LAMA1: variants seen among roughly 807,000 people sequenced by gnomAD.
The protein encoded by LAMA1 is laminin subunit alpha-1.
A neutral mutation model predicts 348.7 loss-of-function variants in LAMA1; 219 were observed. The observed-to-expected ratio is 0.63, with a 90% confidence interval of 0.56 to 0.70. LAMA1 has a LOEUF of 0.70. Ranked by LOEUF, LAMA1 falls within the 30% of genes least tolerant of loss-of-function variation. LAMA1 has a pLI of 0.00. For missense variants in LAMA1, 3,744 were observed against 3,888.0 expected, an observed-to-expected ratio of 0.96 and a Z score of 0.99; for synonymous variants, 1,487 against 1,491.0, an observed-to-expected ratio of 1.00 and a Z score of 0.06.
In LAMA1 at chr18:6,965,359, G is replaced by A. The variant is rs533138285; in HGVS notation, c.7124C>T (p.Thr2375Ile). 7.4e-6 allele frequency: 12 copies of A among 1,614,160 alleles called. No individual in the cohort carries two copies. The African/African-American group carries it at 1.5e-4, about 20-fold the overall frequency. ...VMTDLGSGPI[T>I]LLTDRRYNNG... ...GTTATAACGTCTGTCTGTCAAAAGG[G>A]TAATGGGTCCTGAACCCAGGTCAGT... The change falls in exon 50 of 63, where the codon ACC becomes ATC. Residue 2375 changes from threonine to isoleucine, a missense_variant. Coordinates refer to ENST00000389658, the MANE Select transcript of LAMA1 (RefSeq NM_005559.4).
intron 3 of LAMA1, among the ~76,000 whole-genome samples, chr18:7,059,224 G>C (rs1419958802): frequency 6.6e-6 from 1 of 152,132 alleles, no homozygotes; most frequent in Non-Finnish European, 1.5e-5. Context: ...TCCCAATAAA[G>C]TCCACAATAT....
intron 36 of LAMA1, among the ~76,000 whole-genome samples, chr18:6,986,713 C>T (rs1344523124): frequency 6.6e-6 from 1 of 152,078 alleles, no homozygotes; most frequent in African/African-American, 2.4e-5. Flanking sequence ...TCAAGTTAAG[C>T]CGGTTAGGAT....
intron 1 of LAMA1, among the ~76,000 whole-genome samples, chr18:7,086,219 C>T (rs1176602962): frequency 1.3e-5 from 2 of 152,166 alleles, no homozygotes; most frequent in African/African-American, 2.4e-5. Context: ...GAAAGAGAAG[C>T]TTCTTCTCAC....
rs531431411 is a variant in LAMA1, at chr18:6,947,023, A to T, written c.8844+140T>A. 5.6e-5 allele frequency: 62 copies of T among 1,104,340 alleles called. No individual in the cohort carries two copies. The African/African-American group carries it at 8.0e-4, about 14-fold the overall frequency. 68.4% of individuals were successfully genotyped at this position (1,104,340 alleles called of 1,614,324 possible). On this transcript the variant is annotated intron_variant, in intron 61 of 62. Transcript: ENST00000389658. ...AAACCAAAAAGGTTTTCTTGTAGCA[A>T]TATCTGTTTTTAAAATAGTAATGGG...
chr18:6,966,415 C>T, intron 48 of LAMA1, 118 bp from the exon 49 acceptor site: 2 of 852,934 alleles, frequency 2.3e-6, no homozygotes, highest in South Asian at 2.9e-5. Flanking sequence ...TCCATACTTT[C>T]ATAACAAGTG....
rs1036634936 is a variant in LAMA1, at chr18:7,016,562, G to T, written c.2918C>A (p.Pro973Gln). Reference sequence around the variant, plus strand: ...GTCACACCTTTTCCCTGCCACACCTGGGACACAGTGACACTGGCCTTCATC... The same window carrying T: ...GTCACACCTTTTCCCTGCCACACCTTGGACACAGTGACACTGGCCTTCATC... Reference protein sequence around the residue: ...CTDEGQCHCVPGVAGKRCDRC... With the variant: ...CTDEGQCHCVQGVAGKRCDRC... Residue 973 changes from proline to glutamine, a missense_variant, in exon 21 of 63, where the codon CCA (proline) becomes CAA (glutamine). This residue lies in a region of LAMA1 where 1,529 missense variants were observed against 1,689.4 expected (regional missense o/e 0.91). Transcript: ENST00000389658. 1.1e-5 allele frequency: 17 copies of T among 1,613,976 alleles called. No individual in the cohort carries two copies. The highest frequency in any genetic ancestry group is 1.4e-5 in the Non-Finnish European group (17 of 1,179,968).
intron 16 of LAMA1, among the ~76,000 whole-genome samples, chr18:7,027,995 A>G (rs561124368): frequency 2.1e-4 from 32 of 152,280 alleles, no homozygotes; most frequent in Admixed American, 7.2e-4. Flanking sequence ...TGAAGGAAAC[A>G]TAAAAACTGT....
intron 19 of LAMA1, 30 bp from the exon 20 acceptor site, chr18:7,017,414 C>A (rs552701688): frequency 1.3e-6 from 2 of 1,487,224 alleles, no homozygotes; most frequent in Admixed American, 3.4e-5. Flanking sequence ...GACATATTAA[C>A]CCTCACTTCT....
intron 3 of LAMA1, among the ~76,000 whole-genome samples, chr18:7,077,321 C>G (rs1454243549): frequency 6.6e-6 from 1 of 151,574 alleles, no homozygotes; most frequent in African/African-American, 2.4e-5. Flanking sequence ...CCTGCCTCAG[C>G]CTCCCGAGTA....
intron 49 of LAMA1, 187 bp from the exon 50 acceptor site, chr18:6,965,619 T>C (rs1336082279): frequency 2.3e-5 from 14 of 617,152 alleles, no homozygotes; most frequent in Non-Finnish European, 3.7e-5. Context: ...ACTACACTAA[T>C]ATAAATGAAA....
intron 3 of LAMA1, among the ~76,000 whole-genome samples, chr18:7,077,722 A>T (rs2058175208): frequency 6.6e-6 from 1 of 152,110 alleles, no homozygotes; most frequent in Admixed American, 6.5e-5. Context: ...TAATGAACAC[A>T]GTTTTACTTT....
chr18:7,059,399 G>T (rs950458247), intron 3 of LAMA1, among the ~76,000 whole-genome samples: 1 of 152,030 alleles, frequency 6.6e-6, no homozygotes, highest in East Asian at 1.9e-4. Context: ...CTTTCATCAC[G>T]ATTTTCCACC....
At chr18:7,054,144 G>A (rs141533406) in intron 3 of LAMA1, among the ~76,000 whole-genome samples, 12 of 152,100 alleles carry the variant, frequency 7.9e-5, no homozygotes, top group African/African-American at 2.9e-4. Flanking sequence ...AAAAGATCTT[G>A]GATTCCACTT....
intron 1 of LAMA1, among the ~76,000 whole-genome samples, chr18:7,091,208 C>T (rs1844092650): frequency 6.6e-6 from 1 of 152,174 alleles, no homozygotes; most frequent in Non-Finnish European, 1.5e-5. Context: ...AAATGTTCTA[C>T]CTGATTAAAA....
chr18:6,943,149 T>C (rs768692476), intron 62 of LAMA1, 31 bp downstream of exon 62: 5 of 1,585,784 alleles, frequency 3.2e-6, no homozygotes, highest in Non-Finnish European at 1.7e-6. Flanking sequence ...CAGTGCCCCT[T>C]TTGAGTGGAA....
At chr18:7,064,458 T>C (rs2058114619) in intron 3 of LAMA1, among the ~76,000 whole-genome samples, 1 of 152,176 alleles carries the variant, frequency 6.6e-6, no homozygotes, top group African/African-American at 2.4e-5. Flanking sequence ...AAATCTTATC[T>C]TTCTCATGAC....
intron 1 of LAMA1, among the ~76,000 whole-genome samples, chr18:7,087,941 CA>C (rs2058224242): frequency 6.6e-6 from 1 of 152,186 alleles, no homozygotes; most frequent in Non-Finnish European, 1.5e-5. Flanking sequence ...TTATTATGTT[CA>C]TATTATCAGG....
rs1454995453 is a variant in LAMA1 at position 7,044,832 on chromosome 18, T to C, written c.866A>G (p.Gln289Arg). Residue 289 changes from glutamine (Q) to arginine (R), a missense_variant, in exon 7 of 63, where the codon CAG becomes CGG. By Grantham distance (43) the Gln-to-Arg change is conservative. This residue lies in a region of LAMA1 where 1,529 missense variants were observed against 1,689.4 expected (regional missense o/e 0.91). Transcript: ENST00000389658. ...CPWDETTKKLQCQCEHNTCGE... is the reference protein window; with the variant it reads ...CPWDETTKKLRCQCEHNTCGE... ...GCAAGTATTATGCTCACATTGACAC[T>C]GCAGTTTCTACACAATAAGGAAGCC... 5.0e-6 allele frequency: 8 copies of C among 1,612,066 alleles called. No individual in the cohort carries two copies. The highest frequency in any genetic ancestry group is 2.2e-5 in the East Asian group (1 of 44,870).
intron 3 of LAMA1, among the ~76,000 whole-genome samples, chr18:7,054,650 C>T (rs73376809): frequency 0.016 from 2,451 of 151,906 alleles, 71 homozygotes; most frequent in African/African-American, 0.055. Context: ...GTACAGTTGA[C>T]CCTTGAACAA....
Sources: gnomAD v4.1 joint callset for allele counts (sites outside exome capture counted in the v4.1 genomes callset) on GRCh38, gnomAD v4.1.1 for gene constraint, gnomAD v4.1.1 regional missense constraint, MANE v1.5 for transcripts, NCBI Gene and HGNC (gene_info 2026-07-23, HGNC 2026-07-21) for gene names.